SLC25A48: variants seen among roughly 807,000 people sequenced by gnomAD.
SLC25A48 encodes solute carrier family 25 member 48.
A neutral mutation model predicts 32.2 loss-of-function variants in SLC25A48; 29 were observed. The ratio of observed to expected loss-of-function variants is 0.90; its 90% confidence interval spans 0.67 to 1.23. The LOEUF (loss-of-function observed/expected upper bound fraction) is 1.23. Ranked by LOEUF, SLC25A48 falls within the 50% of genes most tolerant of loss-of-function variation. The pLI is 0.00. For synonymous variants in SLC25A48, 164 were observed against 172.3 expected, an observed-to-expected ratio of 0.95 and a Z score of 0.38; for missense variants, 399 against 422.7, an observed-to-expected ratio of 0.94 and a Z score of 0.49.
At chr5:135,755,896 C>G (rs915555331) in intron 3 of SLC25A48, among the ~76,000 whole-genome samples, 5 of 151,880 alleles carry the variant, frequency 3.3e-5, no homozygotes, top group Non-Finnish European at 7.4e-5. Flanking sequence ...TGTCAACGCA[C>G]TATGATAGTA....
intron 3 of SLC25A48, among the ~76,000 whole-genome samples, chr5:135,734,546 G>A (rs192006674): frequency 2.9e-4 from 44 of 152,102 alleles, no homozygotes; most frequent in Non-Finnish European, 4.6e-4. Flanking sequence ...AAGGGGAAGG[G>A]GCCGGGTGCG....
At chr5:135,800,899 A>G (rs1187769768) in intron 3 of SLC25A48, among the ~76,000 whole-genome samples, 1 of 150,212 alleles carries the variant, frequency 6.7e-6, no homozygotes. Context: ...CCCATATCGC[A>G]GGGGCGTGTA....
At chr5:135,699,055 A>T (rs1754330339) in intron 3 of SLC25A48, among the ~76,000 whole-genome samples, 1 of 152,254 alleles carries the variant, frequency 6.6e-6, no homozygotes, top group Non-Finnish European at 1.5e-5. Flanking sequence ...GCTGGTGAGG[A>T]TATGGAATGA....
At chr5:135,599,008 G>A (rs1050129290) in intron 1 of SLC25A48, among the ~76,000 whole-genome samples, 1 of 151,934 alleles carries the variant, frequency 6.6e-6, no homozygotes, top group Non-Finnish European at 1.5e-5. Context: ...TGAAGGAGGG[G>A]ATATAACGAG....
intron 3 of SLC25A48, among the ~76,000 whole-genome samples, chr5:135,768,810 TAA>T (rs1338307037): frequency 6.6e-6 from 1 of 151,636 alleles, no homozygotes; most frequent in Non-Finnish European, 1.5e-5. Context: ...AATATCCAGG[TAA>T]AAGAGGATGA....
At chr5:135,693,976 C>A (rs750532545) in intron 3 of SLC25A48, among the ~76,000 whole-genome samples, 7 of 152,054 alleles carry the variant, frequency 4.6e-5, no homozygotes, top group Non-Finnish European at 1.0e-4. Flanking sequence ...AAAAGCATTT[C>A]TTTACCAAGT....
chr5:135,680,725 A>G (rs538425784), intron 3 of SLC25A48, among the ~76,000 whole-genome samples: 1 of 152,328 alleles, frequency 6.6e-6, no homozygotes, highest in African/African-American at 2.4e-5. Flanking sequence ...CACCCCCATG[A>G]TTCAATTATC....
rs533094279 is a variant in SLC25A48 at position 135,771,231 on chromosome 5, A to T, written c.-520-41292A>T. On this transcript the variant is annotated intron_variant, in intron 3 of 10. Transcript: ENST00000646290. ...TAGCCGGGGGGGAGAAGGTGATATTACTCCCCATATCACGGGAATTGTACA... is the reference window on the plus strand; with the variant it reads ...TAGCCGGGGGGGAGAAGGTGATATTTCTCCCCATATCACGGGAATTGTACA... Among the ~76,000 whole-genome samples the T allele has an allele frequency of 8.6e-5, 13 of 151,106 alleles. No individual in the cohort carries two copies. In the East Asian group the frequency reaches 2.6e-3, roughly 30 times the overall value.
At chr5:135,598,988 T>A (rs1458657647) in intron 1 of SLC25A48, among the ~76,000 whole-genome samples, 1 of 152,066 alleles carries the variant, frequency 6.6e-6, no homozygotes, top group Non-Finnish European at 1.5e-5. Context: ...GAAAGTCTAA[T>A]GGCAGTGAGT....
chr5:135,754,585 T>A (rs1045421248), intron 3 of SLC25A48, among the ~76,000 whole-genome samples: 2 of 151,992 alleles, frequency 1.3e-5, no homozygotes, highest in African/African-American at 4.8e-5. Flanking sequence ...AATATCACTA[T>A]GATGTTAATA....
At chr5:135,801,097 G>A (rs1006584372) in intron 3 of SLC25A48, among the ~76,000 whole-genome samples, 14 of 151,566 alleles carry the variant, frequency 9.2e-5, no homozygotes, top group Non-Finnish European at 1.8e-4. Context: ...ACCCCCCTGT[G>A]ATGTTGTTTG....
chr5:135,618,551 T>TA (rs924715423), intron 1 of SLC25A48, among the ~76,000 whole-genome samples: 3 of 152,108 alleles, frequency 2.0e-5, no homozygotes, highest in Non-Finnish European at 4.4e-5. Flanking sequence ...TGTTTACATT[T>TA]AAGTTTTTTC....
At chr5:135,819,892 C>T (rs998121529) in intron 4 of SLC25A48, among the ~76,000 whole-genome samples, 4 of 151,872 alleles carry the variant, frequency 2.6e-5, no homozygotes, top group Admixed American at 6.6e-5. Context: ...TATACACCCA[C>T]GAGAATGGCA....
intron 3 of SLC25A48, among the ~76,000 whole-genome samples, chr5:135,736,753 CCCAAGTCTGTGACCGGTG>C (rs964038990): frequency 7.9e-5 from 12 of 152,268 alleles, no homozygotes; most frequent in African/African-American, 2.2e-4. Context: ...AGACTGTCTT[CCCAAGTCTGTGACCGGTG>C]CCGGAGTTTT....
intron 4 of SLC25A48, among the ~76,000 whole-genome samples, chr5:135,868,062 T>C (rs999795709): frequency 6.6e-6 from 1 of 152,224 alleles, no homozygotes; most frequent in African/African-American, 2.4e-5. Context: ...TAGAGTGTGA[T>C]GACATAGGTG....
At chr5:135,692,869 C>A (rs1291751006) in intron 3 of SLC25A48, among the ~76,000 whole-genome samples, 1 of 152,140 alleles carries the variant, frequency 6.6e-6, no homozygotes, top group East Asian at 1.9e-4. Context: ...TGGATTTGAT[C>A]CTGCCTGCCT....
chr5:135,880,171 T>C (rs1475037303), intron 7 of SLC25A48, 74 bp downstream of exon 7: 2 of 1,484,984 alleles, frequency 1.3e-6, no homozygotes, highest in Non-Finnish European at 1.8e-6. Flanking sequence ...ATCATGAGAA[T>C]GTTGTGGCCT....
At position 135,773,910 on chromosome 5, in the gene SLC25A48, A is replaced by G. The variant is rs947064495; in HGVS notation, c.-520-38613A>G. On this transcript the variant is annotated intron_variant, in intron 3 of 10. Transcript: ENST00000646290. Reference sequence around the variant, plus strand: ...CAATGTGATATTGGTCTTAATATCTATAAGGAAAGAAGAAGATATTACTCC... The same window carrying G: ...CAATGTGATATTGGTCTTAATATCTGTAAGGAAAGAAGAAGATATTACTCC... Among the ~76,000 whole-genome samples the G allele has an allele frequency of 5.9e-4, 90 of 151,788 alleles. 1 individual carries two copies. Among genetic ancestry groups the G allele is most frequent in the African/African-American group, 2.1e-3 (88 of 41,428 alleles).
intron 1 of SLC25A48, 104 bp downstream of exon 1, chr5:135,834,997 C>T: frequency 7.3e-7 from 1 of 1,378,638 alleles, no homozygotes; most frequent in Non-Finnish European, 1.0e-6. Context: ...CATCCCGCTC[C>T]CCGTTGTGCG....
Sources: allele counts gnomAD v4.1 joint callset (sites outside exome capture counted in the v4.1 genomes callset), GRCh38; gene constraint gnomAD v4.1.1; transcripts MANE v1.5; gene names NCBI Gene and HGNC (gene_info 2026-07-23, HGNC 2026-07-21).